PTGER3: variants seen among roughly 807,000 people sequenced by gnomAD.
PTGER3 encodes the protein prostaglandin E2 receptor EP3 subtype.
Under a neutral mutation model 34.7 loss-of-function variants are expected in PTGER3, and 22 were observed. The observed-to-expected ratio is 0.63, with a 90% CI of 0.45 to 0.91. The LOEUF (loss-of-function observed/expected upper bound fraction) is 0.91, where lower values mean the gene tolerates loss of function less well. PTGER3 is among the 40% of genes least tolerant of loss of function. PTGER3 has a pLI of 0.00. For synonymous variants in PTGER3, 241 were observed against 230.1 expected, an observed-to-expected ratio of 1.05 and a Z score of -0.43; for missense variants, 468 against 519.4, an observed-to-expected ratio of 0.90 and a Z score of 0.96.
Position 71,047,768 on chromosome 1 carries a change from C to A in PTGER3, c.-191G>T. 1 of 476,060 alleles carries A rather than the reference C, an allele frequency of 2.1e-6. No individual in the cohort carries two copies. The highest frequency in any genetic ancestry group is 3.3e-6 in the Non-Finnish European group (1 of 305,920). The allele number at this position is 476,060 out of a possible 1,614,324, so 29.5% of individuals were successfully genotyped here. On this transcript the variant is annotated 5_prime_UTR_variant, in exon 1 of 4. Transcript: ENST00000306666. ...CGCGGCGGCGCCAGGGCTCACTGGC[C>A]CGGGAGGGAGCCACGCCTTCCTCTC...
intron 4 of PTGER3, among the ~76,000 whole-genome samples, chr1:70,890,399 A>G (rs995649650): frequency 1.3e-5 from 2 of 152,176 alleles, no homozygotes; most frequent in African/African-American, 4.8e-5. Flanking sequence ...AATGACCCCC[A>G]AATCTATCTT....
intron 4 of PTGER3, among the ~76,000 whole-genome samples, chr1:70,898,390 T>A (rs1012611276): frequency 6.6e-5 from 10 of 152,174 alleles, no homozygotes; most frequent in Non-Finnish European, 1.3e-4. Flanking sequence ...CACTCCTTCT[T>A]CCTAAAATGC....
At chr1:71,009,230 G>A (rs1657234299) in intron 2 of PTGER3, 1 of 985,080 alleles carries the variant, frequency 1.0e-6, no homozygotes, top group South Asian at 4.7e-5. Context: ...GTCACTCAAT[G>A]CCAATGTGCT....
intron 4 of PTGER3, among the ~76,000 whole-genome samples, chr1:70,943,396 C>A (rs549070720): frequency 6.6e-6 from 1 of 152,100 alleles, no homozygotes; most frequent in Non-Finnish European, 1.5e-5. Flanking sequence ...GATTGACTTG[C>A]CATTTTTCAT....
At chr1:70,967,504 G>A (rs529054450), downstream of PTGER3, among the ~76,000 whole-genome samples, 130 of 152,098 alleles carry the variant, frequency 8.5e-4, no homozygotes, top group African/African-American at 3.0e-3. Context: ...TAAAGCTGTC[G>A]AAAATCTAGG....
chr1:71,041,011 G>A (rs1660266962), intron 1 of PTGER3, among the ~76,000 whole-genome samples: 1 of 152,202 alleles, frequency 6.6e-6, no homozygotes, highest in East Asian at 1.9e-4. Flanking sequence ...GGAATTCACA[G>A]AGAGTTCCCA....
intron 4 of PTGER3, among the ~76,000 whole-genome samples, chr1:70,929,999 A>G: frequency 6.6e-6 from 1 of 152,220 alleles, no homozygotes; most frequent in East Asian, 1.9e-4. Context: ...CTTGATTTTC[A>G]GACCTAAATT....
intron 2 of PTGER3, among the ~76,000 whole-genome samples, chr1:70,954,790 G>A (rs1324889899): frequency 8.6e-5 from 13 of 151,810 alleles, no homozygotes. Flanking sequence ...TTGGGAATTT[G>A]AAATTCTGTT....
At chr1:70,991,947 A>C (rs1335902014) in intron 2 of PTGER3, among the ~76,000 whole-genome samples, 1 of 152,034 alleles carries the variant, frequency 6.6e-6, no homozygotes, top group Non-Finnish European at 1.5e-5. Context: ...GCTTTTGGAA[A>C]CCCTTTAAAC....
At position 70,912,541 on chromosome 1, in the gene PTGER3, C is replaced by G. The variant is rs572168187; in HGVS notation, c.*23+41222G>C. On this transcript the variant is annotated intron_variant, in intron 4 of 4. Transcript: ENST00000370931. ...CACATAACAGAAGGGGTTGGAACCACTATTTTAAATCTCAAAATGAAAGGT... is the reference window on the plus strand; with the variant it reads ...CACATAACAGAAGGGGTTGGAACCAGTATTTTAAATCTCAAAATGAAAGGT... Among the ~76,000 whole-genome samples the G allele has an allele frequency of 1.2e-3, 180 of 152,094 alleles. 1 individual carries two copies. Among genetic ancestry groups the G allele is most frequent in the Non-Finnish European group, 2.2e-3 (148 of 67,902 alleles).
intron 2 of PTGER3, among the ~76,000 whole-genome samples, chr1:71,000,918 TG>T (rs1276791504): frequency 6.6e-6 from 1 of 152,126 alleles, no homozygotes; most frequent in Non-Finnish European, 1.5e-5. Context: ...AATGGGAGAA[TG>T]GGTGAGGAGA....
intron 4 of PTGER3, chr1:70,883,891 C>T: frequency 4.2e-6 from 1 of 237,652 alleles, no homozygotes; most frequent in South Asian, 4.0e-5. Flanking sequence ...GGTGAAACCT[C>T]ATCTCTACTA....
chr1:70,922,606 C>T (rs1426212995), intron 4 of PTGER3, among the ~76,000 whole-genome samples: 1 of 151,914 alleles, frequency 6.6e-6, no homozygotes, highest in Admixed American at 6.6e-5. Flanking sequence ...TTAAAAAATC[C>T]CTTACTTACC....
At chr1:71,010,260 T>C (rs1412498443) in intron 2 of PTGER3, 3 of 984,084 alleles carry the variant, frequency 3.0e-6, no homozygotes, top group Non-Finnish European at 3.6e-6. Flanking sequence ...TGTACAGCAG[T>C]ATGACACTAC....
chr1:70,904,551 A>C (rs767469855), intron 4 of PTGER3, among the ~76,000 whole-genome samples: 2 of 152,170 alleles, frequency 1.3e-5, no homozygotes, highest in Non-Finnish European at 2.9e-5. Context: ...CTTTTTGGGA[A>C]CTGGAGCAAA....
chr1:70,937,993 G>T (rs1572700127), intron 4 of PTGER3, among the ~76,000 whole-genome samples: 2 of 151,960 alleles, frequency 1.3e-5, no homozygotes, highest in Admixed American at 1.3e-4. Flanking sequence ...ATGACATTTT[G>T]GAGTCAAACT....
exon 5 of PTGER3, chr1:70,852,662 A>G: frequency 1.3e-6 from 1 of 747,834 alleles, no homozygotes; most frequent in Non-Finnish European, 2.3e-6. Flanking sequence ...AAGTACAAAA[A>G]CATGTATGGA....
chr1:70,971,663 G>T lies in PTGER3; in HGVS notation c.*67C>A. The T allele has an allele frequency of 6.5e-7, 1 of 1,526,988 alleles. No homozygotes were observed. The highest frequency in any genetic ancestry group is 8.8e-7 in the Non-Finnish European group (1 of 1,140,220). 94.6% of individuals were successfully genotyped at this position (1,526,988 alleles called of 1,614,324 possible). ...TTAAAATATATAATTATCCTTCTCA[G>T]GTGGGAAGAAATATGCAAATTCAGG... On this transcript the variant is annotated 3_prime_UTR_variant, in exon 4 of 4. Coordinates refer to ENST00000306666, the MANE Select transcript of PTGER3 (RefSeq NM_198719.2).
In PTGER3 at chr1:71,039,156, C is replaced by T. The variant is rs188190203; in HGVS notation, c.897+7525G>A. 4.8e-3 allele frequency among the ~76,000 whole-genome samples: 727 copies of T among 152,188 alleles called. 8 individuals are homozygous for T. The highest frequency in any genetic ancestry group is 0.017 in the African/African-American group (689 of 41,522). On this transcript the variant is annotated intron_variant, in intron 1 of 3. Transcript: ENST00000306666. ...TAAGTCCTCCCCTTCTCAGGGCCAT[C>T]GAGCAGAAAAGAGCATTCCAGACCT...
Sources: gnomAD v4.1 joint callset for allele counts (sites outside exome capture counted in the v4.1 genomes callset) on GRCh38, gnomAD v4.1.1 for gene constraint, MANE v1.5 for transcripts, NCBI Gene and HGNC (gene_info 2026-07-23, HGNC 2026-07-21) for gene names.